The following TRPM7 variants were observed in gnomAD, a reference collection of about 807,000 sequenced individuals.
The protein encoded by TRPM7 is LTRPC ion channel family member 7.
A neutral mutation model predicts 229.7 loss-of-function variants in TRPM7; 134 were observed. The observed-to-expected ratio is 0.58, with a 90% CI of 0.51 to 0.67. The LOEUF (loss-of-function observed/expected upper bound fraction) is 0.67. TRPM7 is among the 30% of genes least tolerant of loss of function. The pLI is 0.00. For synonymous variants in TRPM7, 699 were observed against 715.2 expected (o/e 0.98, Z 0.36); for missense variants, 1,901 against 2,210.0 (o/e 0.86, Z 2.80).
chr15:50,677,751 AAAAAAAAAAC>A (rs1206378887), intron 1 of TRPM7, among the ~76,000 whole-genome samples: 1 of 148,122 alleles, frequency 6.8e-6, no homozygotes, highest in Admixed American at 6.8e-5. Flanking sequence ...AAAAAAAAAA[AAAAAAAAAAC>A]AAAAGGTAAC....
chr15:50,665,093 A>ACATGAGG (rs2061845928), intron 1 of TRPM7, among the ~76,000 whole-genome samples: 1 of 152,198 alleles, frequency 6.6e-6, no homozygotes, highest in South Asian at 2.1e-4. Flanking sequence ...TCTCAAGCAC[A>ACATGAGG]CATGAGGCAT....
intron 38 of TRPM7, among the ~76,000 whole-genome samples, chr15:50,563,526 C>T (rs1271910374): frequency 6.6e-6 from 1 of 152,058 alleles, no homozygotes; most frequent in Non-Finnish European, 1.5e-5. Context: ...AGGGAGATTT[C>T]AAAATTAGAA....
intron 1 of TRPM7, among the ~76,000 whole-genome samples, chr15:50,678,345 G>T (rs901734347): frequency 6.6e-6 from 1 of 151,032 alleles, no homozygotes; most frequent in Non-Finnish European, 1.5e-5. Flanking sequence ...CCTGCCAAGG[G>T]TGACCAACAT....
intron 10 of TRPM7, among the ~76,000 whole-genome samples, chr15:50,629,153 A>G (rs894173604): frequency 3.3e-5 from 5 of 151,112 alleles, no homozygotes; most frequent in African/African-American, 1.2e-4. Context: ...TGCTAGGTAC[A>G]AGGATATATA....
intron 16 of TRPM7, among the ~76,000 whole-genome samples, chr15:50,611,585 T>A (rs2060063571): frequency 6.6e-6 from 1 of 152,114 alleles, no homozygotes. Context: ...AACTATAATC[T>A]CAAAGGGAAT....
intron 7 of TRPM7, among the ~76,000 whole-genome samples, chr15:50,635,090 G>T (rs2060848921): frequency 6.6e-6 from 1 of 151,866 alleles, no homozygotes; most frequent in African/African-American, 2.4e-5. Flanking sequence ...GACCAAGATG[G>T]ACGGATCACA....
chr15:50,664,264 C>A (rs1325613315), intron 1 of TRPM7, among the ~76,000 whole-genome samples: 9 of 147,346 alleles, frequency 6.1e-5, no homozygotes, highest in African/African-American at 2.0e-4. Flanking sequence ...GAGCCGAGAT[C>A]GCGCCACTGC....
intron 19 of TRPM7, among the ~76,000 whole-genome samples, chr15:50,608,072 AAAG>A (rs1439239341): frequency 7.0e-6 from 1 of 142,430 alleles, no homozygotes; most frequent in African/African-American, 2.6e-5. Context: ...AAAAAAAAAG[AAAG>A]AAAGAAAGAA....
intron 13 of TRPM7, among the ~76,000 whole-genome samples, chr15:50,614,664 C>CAAAA (rs59336476): frequency 1.1e-5 from 1 of 92,688 alleles, no homozygotes; most frequent in Admixed American, 9.7e-5. Flanking sequence ...GACTTGGTCT[C>CAAAA]AAAAAAAAAA....
chr15:50,568,240 A>G (rs1333012435), intron 38 of TRPM7, among the ~76,000 whole-genome samples: 1 of 151,926 alleles, frequency 6.6e-6, no homozygotes, highest in Non-Finnish European at 1.5e-5. Flanking sequence ...CCTTAACATC[A>G]GAAACAAAGC....
chr15:50,571,691 G>C (rs1023532259), intron 36 of TRPM7, among the ~76,000 whole-genome samples: 3 of 151,606 alleles, frequency 2.0e-5, no homozygotes, highest in Non-Finnish European at 2.9e-5. Flanking sequence ...CAGAAGTAGA[G>C]AAATAAAAAA....
In TRPM7 at chr15:50,605,142, G is replaced by T; in HGVS notation, c.2712C>A (p.Ile904=). The T allele has an allele frequency of 1.3e-6, 2 of 1,581,324 alleles. No individual in the cohort carries two copies. Among genetic ancestry groups the T allele is most frequent in the Non-Finnish European group, 8.6e-7 (1 of 1,167,276 alleles). Residue 904 remains isoleucine (I), a splice_region_variant and synonymous_variant, in exon 21 of 39, where the codon ATC becomes ATA. Coordinates refer to ENST00000646667, the MANE Select transcript of TRPM7 (RefSeq NM_017672.6). ...TTACTTTCCCAGCTTCAGACATAAA[G>T]ATCTAAAGGTTTAACAACAACAAAA... The part of the protein sequence containing the change: ...FTYAIEKVRE[I]FMSEAGKVNQ...
intron 23 of TRPM7, among the ~76,000 whole-genome samples, chr15:50,595,910 A>T (rs1057371221): frequency 2.0e-5 from 3 of 151,240 alleles, no homozygotes; most frequent in African/African-American, 7.4e-5. Flanking sequence ...AAAATGGTTT[A>T]CATATATTTG....
intron 3 of TRPM7, among the ~76,000 whole-genome samples, chr15:50,652,961 G>T (rs2061466194): frequency 6.6e-6 from 1 of 152,158 alleles, no homozygotes; most frequent in Non-Finnish European, 1.5e-5. Context: ...CAGGAGTCAA[G>T]ACCAGCCTGA....
chr15:50,599,570 G>T, intron 21 of TRPM7: 1 of 268,164 alleles, frequency 3.7e-6, no homozygotes, highest in Non-Finnish European at 6.9e-6. Context: ...TCAAACTGAA[G>T]TGTACCTATC....
Position 50,574,840 on chromosome 15 carries a change from A to T in TRPM7, c.5019+12T>A. ...AATTATGTTCCACTATTAAATATTC[A>T]CTGACACTTACTCTCAGACAGAGAT... On this transcript the variant is annotated intron_variant, in intron 34 of 38. Coordinates refer to ENST00000646667, the MANE Select transcript of TRPM7 (RefSeq NM_017672.6). 6.2e-7 allele frequency: 1 copy of T among 1,603,944 alleles called. No individual in the cohort carries two copies. The highest frequency in any genetic ancestry group is 8.5e-7 in the Non-Finnish European group (1 of 1,175,140).
intron 3 of TRPM7, among the ~76,000 whole-genome samples, chr15:50,652,257 T>C (rs4381536): frequency 0.6 from 85,945 of 143,096 alleles, 25,544 homozygotes; most frequent in African/African-American, 0.68. Flanking sequence ...TGCTTGAACC[T>C]GGGAGGCGGA....
At chr15:50,622,527 A>G (rs749449640) in intron 12 of TRPM7, among the ~76,000 whole-genome samples, 26 of 152,356 alleles carry the variant, frequency 1.7e-4, no homozygotes, top group Middle Eastern at 3.4e-3. Flanking sequence ...TAATTTTTAC[A>G]TCTGTCCACT....
chr15:50,673,099 A>T (rs1263449335), intron 1 of TRPM7, among the ~76,000 whole-genome samples: 1 of 152,068 alleles, frequency 6.6e-6, no homozygotes, highest in African/African-American at 2.4e-5. Flanking sequence ...CTTTTTATAA[A>T]TTTAGTGTAG....
Sources: gnomAD v4.1 joint callset for allele counts (sites outside exome capture counted in the v4.1 genomes callset) on GRCh38, gnomAD v4.1.1 for gene constraint, MANE v1.5 for transcripts, NCBI Gene and HGNC (gene_info 2026-07-23, HGNC 2026-07-21) for gene names.